The following LRFN5 variants were observed in gnomAD, a reference collection of about 807,000 sequenced individuals.
LRFN5 encodes the protein leucine-rich repeat and fibronectin type-III domain-containing protein 5.
A neutral mutation model predicts 45.6 loss-of-function variants in LRFN5; 24 were observed. That is an observed-to-expected ratio of 0.53 (90% CI 0.38 to 0.74). The LOEUF is 0.74. Among genes scored for constraint, LRFN5 ranks in the 30% least tolerant of loss-of-function variants. The pLI, the probability that LRFN5 is intolerant of heterozygous loss-of-function variation, is 0.00. For synonymous variants in LRFN5, 340 were observed against 313.8 expected (o/e 1.08, Z -0.88); for missense variants, 776 against 861.5 (o/e 0.90, Z 1.24).
chr14:41,646,126 A>G (rs1879807315), intron 1 of LRFN5, among the ~76,000 whole-genome samples: 1 of 152,102 alleles, frequency 6.6e-6, no homozygotes, highest in South Asian at 2.1e-4. Context: ...GGGGACATTC[A>G]ACATCCTTCT....
chr14:41,674,155 A>C (rs1594603867), intron 1 of LRFN5, among the ~76,000 whole-genome samples: 1 of 121,396 alleles, frequency 8.2e-6, no homozygotes, highest in African/African-American at 3.3e-5. Context: ...GCGGCCGGGC[A>C]GAGGCGCCCC....
intron 2 of LRFN5, among the ~76,000 whole-genome samples, chr14:41,860,967 T>A (rs1284198510): frequency 6.6e-6 from 1 of 152,360 alleles, no homozygotes; most frequent in Admixed American, 6.5e-5. Flanking sequence ...AAGGTTGTCC[T>A]TATAAGAAAA....
intron 1 of LRFN5, among the ~76,000 whole-genome samples, chr14:41,723,495 A>C (rs1439123095): frequency 1.3e-5 from 2 of 152,152 alleles, no homozygotes; most frequent in Non-Finnish European, 2.9e-5. Context: ...GGGACAGCTC[A>C]GGCTGCTAGT....
intron 1 of LRFN5, among the ~76,000 whole-genome samples, chr14:41,679,025 C>A (rs1220264332): frequency 6.8e-6 from 1 of 147,366 alleles, no homozygotes; most frequent in Non-Finnish European, 1.5e-5. Context: ...CCAGGCAGAA[C>A]TCAGCTGGTG....
At chr14:41,638,154 C>T (rs1441154625) in intron 1 of LRFN5, among the ~76,000 whole-genome samples, 1 of 152,050 alleles carries the variant, frequency 6.6e-6, no homozygotes, top group Non-Finnish European at 1.5e-5. Flanking sequence ...CTACTCAGCT[C>T]ATAGAAATTA....
At chr14:41,824,376 C>T (rs1260616087) in intron 2 of LRFN5, among the ~76,000 whole-genome samples, 2 of 152,144 alleles carry the variant, frequency 1.3e-5, no homozygotes, top group African/African-American at 4.8e-5. Context: ...TACCATTTAG[C>T]TTTTATTCCA....
At chr14:41,822,926 T>C (rs766502052) in intron 2 of LRFN5, among the ~76,000 whole-genome samples, 1 of 151,648 alleles carries the variant, frequency 6.6e-6, no homozygotes, top group Non-Finnish European at 1.5e-5. Context: ...TTTAATGTTG[T>C]TGATTTAAAG....
At chr14:41,853,905 G>A (rs12895180) in intron 2 of LRFN5, among the ~76,000 whole-genome samples, 2 of 151,944 alleles carry the variant, frequency 1.3e-5, no homozygotes, top group East Asian at 1.9e-4. Context: ...ATGATTTACT[G>A]GTTTCTTATT....
intron 1 of LRFN5, among the ~76,000 whole-genome samples, chr14:41,751,589 T>C (rs528658806): frequency 6.6e-6 from 1 of 151,974 alleles, no homozygotes; most frequent in African/African-American, 2.4e-5. Context: ...TATCTCATCT[T>C]TGGAAGTCTC....
At chr14:41,757,068 A>T (rs910504707) in intron 1 of LRFN5, among the ~76,000 whole-genome samples, 7 of 152,202 alleles carry the variant, frequency 4.6e-5, no homozygotes, top group African/African-American at 1.4e-4. Context: ...GCTGCAGAAC[A>T]GAGGATATTG....
At chr14:41,691,903 G>C (rs1882394288) in intron 1 of LRFN5, among the ~76,000 whole-genome samples, 1 of 151,976 alleles carries the variant, frequency 6.6e-6, no homozygotes, top group Non-Finnish European at 1.5e-5. Context: ...GTATATATCA[G>C]TATTTTGCTC....
At chr14:41,774,376 C>T (rs776311504) in intron 2 of LRFN5, among the ~76,000 whole-genome samples, 6 of 152,124 alleles carry the variant, frequency 3.9e-5, no homozygotes, top group Admixed American at 6.5e-5. Flanking sequence ...CATCTCTTAT[C>T]AATATGAAAC....
At chr14:41,761,561 C>G (rs553383293) in intron 1 of LRFN5, among the ~76,000 whole-genome samples, 14 of 152,110 alleles carry the variant, frequency 9.2e-5, no homozygotes, top group Non-Finnish European at 1.8e-4. Flanking sequence ...TCCCTATGGT[C>G]CAAAGAACAG....
At chr14:41,800,938 T>A (rs896125055) in intron 2 of LRFN5, among the ~76,000 whole-genome samples, 1 of 151,990 alleles carries the variant, frequency 6.6e-6, no homozygotes, top group African/African-American at 2.4e-5. Flanking sequence ...CACTTATGAG[T>A]CAGATAAAAA....
At chr14:41,760,293 C>T (rs953250300) in intron 1 of LRFN5, among the ~76,000 whole-genome samples, 4 of 152,076 alleles carry the variant, frequency 2.6e-5, no homozygotes, top group African/African-American at 9.7e-5. Context: ...TACTATGTTG[C>T]GTAGGCTGGG....
chr14:41,768,447 A>G (rs1320967022), intron 2 of LRFN5, among the ~76,000 whole-genome samples: 1 of 152,066 alleles, frequency 6.6e-6, no homozygotes, highest in Non-Finnish European at 1.5e-5. Context: ...TCTTCTTCCT[A>G]TATTTTGTTA....
At chr14:41,653,353 AG>A (rs1566605024) in intron 1 of LRFN5, among the ~76,000 whole-genome samples, 1 of 152,146 alleles carries the variant, frequency 6.6e-6, no homozygotes, top group Admixed American at 6.6e-5. Context: ...GGTGTAAGGT[AG>A]GGTTCAGTTT....
At chr14:41,713,399 A>G (rs1469071175) in intron 1 of LRFN5, among the ~76,000 whole-genome samples, 1 of 152,090 alleles carries the variant, frequency 6.6e-6, no homozygotes, top group African/African-American at 2.4e-5. Flanking sequence ...TTAAACATAT[A>G]TTTGATAAAG....
intron 1 of LRFN5, among the ~76,000 whole-genome samples, chr14:41,713,831 G>A (rs529312342): frequency 1.3e-5 from 2 of 152,198 alleles, no homozygotes; most frequent in South Asian, 4.1e-4. Context: ...AGTTGAGTGT[G>A]TTCATGCCTT....
Sources: allele counts gnomAD v4.1 joint callset (sites outside exome capture counted in the v4.1 genomes callset), GRCh38; gene constraint gnomAD v4.1.1; transcripts MANE v1.5; gene names NCBI Gene and HGNC (gene_info 2026-07-23, HGNC 2026-07-21).